The following ME3 variants were observed in gnomAD, a reference collection of about 807,000 sequenced individuals.
The protein encoded by ME3 is NADP-dependent malic enzyme, mitochondrial.
Under a neutral mutation model 68.9 loss-of-function variants are expected in ME3, and 48 were observed. The ratio of observed to expected loss-of-function variants is 0.70; its 90% confidence interval spans 0.55 to 0.89. ME3 has a LOEUF of 0.89. Ranked by LOEUF, ME3 falls within the 40% of genes least tolerant of loss-of-function variation. The pLI, the probability that ME3 is intolerant of heterozygous loss-of-function variation, is 0.00. For missense variants in ME3, 675 were observed against 797.4 expected, an observed-to-expected ratio of 0.85 and a Z score of 1.85; for synonymous variants, 320 against 318.8, an observed-to-expected ratio of 1.00 and a Z score of -0.04.
At chr11:86,472,006 G>A (rs190934368) in intron 7 of ME3, among the ~76,000 whole-genome samples, 10 of 152,304 alleles carry the variant, frequency 6.6e-5, no homozygotes, top group Admixed American at 5.9e-4. Flanking sequence ...GCTCTGCAGC[G>A]GGGAGAGGCA....
intron 13 of ME3, among the ~76,000 whole-genome samples, chr11:86,445,448 TTC>T (rs1949231551): frequency 6.6e-6 from 1 of 152,224 alleles, no homozygotes; most frequent in East Asian, 1.9e-4. Flanking sequence ...GTTTCAGGCT[TTC>T]ACCAGTGCCT....
chr11:86,487,571 A>C (rs1951769198), intron 6 of ME3, 131 bp from the exon 7 acceptor site: 1 of 681,602 alleles, frequency 1.5e-6, no homozygotes. Flanking sequence ...AGGTAACTGG[A>C]TCCCCCCCGC....
At chr11:86,660,229 C>G (rs115172167) in intron 2 of ME3, among the ~76,000 whole-genome samples, 1 of 152,304 alleles carries the variant, frequency 6.6e-6, no homozygotes, top group Admixed American at 6.5e-5. Context: ...CCATGGCCAT[C>G]GAAAGTGAGT....
At chr11:86,525,533 C>T (rs1033885130) in intron 4 of ME3, among the ~76,000 whole-genome samples, 1 of 151,612 alleles carries the variant, frequency 6.6e-6, no homozygotes, top group African/African-American at 2.4e-5. Context: ...AAAAGACCCA[C>T]TATATTTTGC....
intron 2 of ME3, among the ~76,000 whole-genome samples, chr11:86,665,275 T>C (rs1946521842): frequency 6.6e-6 from 1 of 152,164 alleles, no homozygotes; most frequent in South Asian, 2.1e-4. Context: ...TCAAATACTA[T>C]GGGGGAAAGC....
chr11:86,437,858 A>AGAAT (rs142909162), downstream of ME3, among the ~76,000 whole-genome samples: 23 of 150,902 alleles, frequency 1.5e-4, no homozygotes, highest in South Asian at 8.4e-4. Context: ...GAGGAGAGAG[A>AGAAT]GAATGAATGA....
At chr11:86,665,288 G>A (rs1382648383) in intron 2 of ME3, among the ~76,000 whole-genome samples, 1 of 152,176 alleles carries the variant, frequency 6.6e-6, no homozygotes, top group Non-Finnish European at 1.5e-5. Context: ...GGGAAAGCAG[G>A]ATGTGTAGGG....
downstream of ME3, among the ~76,000 whole-genome samples, chr11:86,439,283 C>G (rs1948915042): frequency 6.6e-6 from 1 of 152,190 alleles, no homozygotes; most frequent in South Asian, 2.1e-4. Flanking sequence ...ACTGCTTTAG[C>G]TACATCTTAT....
At chr11:86,575,758 C>A (rs1958065215) in intron 2 of ME3, among the ~76,000 whole-genome samples, 1 of 152,210 alleles carries the variant, frequency 6.6e-6, no homozygotes, top group South Asian at 2.1e-4. Flanking sequence ...GAAGACAGGG[C>A]CATGACTTGG....
intron 2 of ME3, among the ~76,000 whole-genome samples, chr11:86,597,982 T>C (rs1048731017): frequency 6.6e-6 from 1 of 152,094 alleles, no homozygotes; most frequent in Non-Finnish European, 1.5e-5. Context: ...GATGGCCGAA[T>C]AGGAACAGTT....
At chr11:86,532,099 T>C (rs961089878) in intron 4 of ME3, among the ~76,000 whole-genome samples, 1 of 151,748 alleles carries the variant, frequency 6.6e-6, no homozygotes, top group Non-Finnish European at 1.5e-5. Flanking sequence ...AGTATAGATA[T>C]TAAATCAAAA....
At chr11:86,648,031 A>G (rs1236873796) in intron 2 of ME3, among the ~76,000 whole-genome samples, 1 of 152,264 alleles carries the variant, frequency 6.6e-6, no homozygotes, top group Non-Finnish European at 1.5e-5. Flanking sequence ...CAGCAAATGC[A>G]AAAGAATGGA....
chr11:86,603,950 TG>T (rs1280241081), intron 2 of ME3, among the ~76,000 whole-genome samples: 1 of 44,292 alleles, frequency 2.3e-5, no homozygotes, highest in East Asian at 9.3e-4. Context: ...TGTTGTGGGG[TG>T]GGGGGAGGGG....
At chr11:86,623,129 G>A (rs1165520202) in intron 2 of ME3, among the ~76,000 whole-genome samples, 3 of 152,148 alleles carry the variant, frequency 2.0e-5, no homozygotes, top group Non-Finnish European at 4.4e-5. Context: ...ATTAGCATTT[G>A]AATCAGTAGA....
intron 4 of ME3, among the ~76,000 whole-genome samples, chr11:86,531,906 A>G (rs967909367): frequency 2.6e-5 from 4 of 152,050 alleles, no homozygotes; most frequent in African/African-American, 9.7e-5. Flanking sequence ...CAGCACACCA[A>G]CATGGCACAT....
intron 2 of ME3, among the ~76,000 whole-genome samples, chr11:86,569,487 A>G (rs1346091733): frequency 6.6e-6 from 1 of 152,156 alleles, no homozygotes; most frequent in African/African-American, 2.4e-5. Context: ...TCTCAGAGTC[A>G]GTGTCACACA....
At chr11:86,530,095 A>G (rs541324944) in intron 4 of ME3, among the ~76,000 whole-genome samples, 3 of 152,330 alleles carry the variant, frequency 2.0e-5, no homozygotes, top group Non-Finnish European at 4.4e-5. Context: ...TTGTATATCT[A>G]GAAAACCCCA....
At chr11:86,649,717 T>G (rs985312272) in intron 2 of ME3, among the ~76,000 whole-genome samples, 2 of 152,064 alleles carry the variant, frequency 1.3e-5, no homozygotes, top group African/African-American at 2.4e-5. Context: ...ACAATTCCTA[T>G]GAAGGGAATA....
At chr11:86,627,740 C>T (rs1444137195) in intron 2 of ME3, among the ~76,000 whole-genome samples, 1 of 152,180 alleles carries the variant, frequency 6.6e-6, no homozygotes, top group Non-Finnish European at 1.5e-5. Context: ...TCTGCCAAGG[C>T]CATCTCACTA....
Sources: gnomAD v4.1 joint callset for allele counts (sites outside exome capture counted in the v4.1 genomes callset) on GRCh38, gnomAD v4.1.1 for gene constraint, MANE v1.5 for transcripts, NCBI Gene and HGNC (gene_info 2026-07-23, HGNC 2026-07-21) for gene names.